TPPP: variants seen among roughly 807,000 people sequenced by gnomAD.
TPPP encodes tubulin polymerization-promoting protein.
A neutral mutation model predicts 15.5 loss-of-function variants in TPPP; 6 were observed. The ratio of observed to expected loss-of-function variants is 0.39; its 90% CI spans 0.21 to 0.77. The LOEUF is 0.77. Among genes scored for constraint, TPPP ranks in the 30% least tolerant of loss-of-function variants. The pLI is 0.42. For synonymous variants in TPPP, 146 were observed against 133.9 expected, an observed-to-expected ratio of 1.09 and a Z score of -0.63; for missense variants, 269 against 307.2, an observed-to-expected ratio of 0.88 and a Z score of 0.93.
At position 662,596 on chromosome 5, in the gene TPPP, G is replaced by T. The variant is rs1286497508; in HGVS notation, c.*2506C>A. 1 of 152,596 alleles carries T rather than the reference G, an allele frequency of 6.6e-6. No individual in the cohort carries two copies. Among genetic ancestry groups the T allele is most frequent in the Non-Finnish European group, 1.5e-5 (1 of 68,218 alleles). 9.5% of individuals were successfully genotyped at this position (152,596 alleles called of 1,614,324 possible). A position where few individuals can be genotyped will look rare whatever the true frequency, so the allele number is the denominator to read the frequency against. Reference sequence around the variant, plus strand: ...AGTCATGTTCGTTCTGCGTGGCTTGGCCGTGACTGTGGGGACTGGGCTGCC... The same window carrying T: ...AGTCATGTTCGTTCTGCGTGGCTTGTCCGTGACTGTGGGGACTGGGCTGCC... On this transcript the variant is annotated 3_prime_UTR_variant, in exon 4 of 4. Coordinates refer to ENST00000360578, the MANE Select transcript of TPPP (RefSeq NM_007030.3).
At chr5:665,508 G>T (rs376970018) in intron 3 of TPPP, among the ~76,000 whole-genome samples, 1 of 152,124 alleles carries the variant, frequency 6.6e-6, no homozygotes, top group South Asian at 2.1e-4. Context: ...CCTAACAATT[G>T]CCCAGGTCCA....
At chr5:699,707 C>G in the TPPP span, among the ~76,000 whole-genome samples, 1 of 151,502 alleles carries the variant, frequency 6.6e-6, no homozygotes, top group Non-Finnish European at 1.5e-5. Context: ...TATTTGCAAA[C>G]TATGCATCTG....
intron 1 of TPPP, among the ~76,000 whole-genome samples, chr5:691,569 CA>C (rs1740864330): frequency 1.6e-5 from 1 of 63,236 alleles, no homozygotes; most frequent in Admixed American, 1.2e-4. Flanking sequence ...AGCAGCCCCC[CA>C]ACCCCCATCA....
rs955429294 is a variant in TPPP at position 660,053 on chromosome 5, C to T, written c.*5049G>A. On this transcript the variant is annotated 3_prime_UTR_variant, in exon 4 of 4. Coordinates refer to ENST00000360578, the MANE Select transcript of TPPP (RefSeq NM_007030.3). The stretch of plus-strand genomic sequence containing the variant: ...GAGGAACAGCAGGGCCACCCCACCC[C>T]GCGGACGTCCGCGGTGAGTGCGGTT... The T allele has an allele frequency of 3.5e-4, 54 of 152,448 alleles. No individual in the cohort carries two copies. Among genetic ancestry groups the T allele is most frequent in the African/African-American group, 1.0e-3 (43 of 41,576 alleles). 9.4% of individuals were successfully genotyped at this position (152,448 alleles called of 1,614,324 possible). A position where few individuals can be genotyped will look rare whatever the true frequency, so the allele number is the denominator to read the frequency against.
Position 665,128 on chromosome 5 carries a change from C to T in TPPP, c.634G>A (p.Asp212Asn), listed in dbSNP as rs758956291. ...VSGYKHAGTY[D>N]QKVQGGK ...TACTTGCCCCCTTGCACCTTCTGGTCGTAGGTGCCTGCGTGCTTGTAGCCG... is the reference window on the plus strand; with the variant it reads ...TACTTGCCCCCTTGCACCTTCTGGTTGTAGGTGCCTGCGTGCTTGTAGCCG... The change falls in exon 4 of 4, where the codon GAC becomes AAC. Residue 212 changes from aspartate (D) to asparagine (N), a missense_variant. Transcript: ENST00000360578. 17 of 1,612,164 alleles carry T rather than the reference C, an allele frequency of 1.1e-5. No individual in the cohort carries two copies. Among genetic ancestry groups the T allele is most frequent in the Admixed American group, 3.3e-5 (2 of 60,004 alleles).
Position 663,071 on chromosome 5 carries a change from G to C in TPPP, c.*2031C>G, listed in dbSNP as rs1202962118. 2.0e-5 allele frequency: 3 copies of C among 150,710 alleles called. No individual in the cohort carries two copies. The highest frequency in any genetic ancestry group is 7.4e-5 in the African/African-American group (3 of 40,472). The allele number at this position is 150,710 out of a possible 1,614,324, so 9.3% of individuals were successfully genotyped here. Reference sequence around the variant, plus strand: ...TGCTCGTCTGTGATCGGGTGATTCCGATGACTGCTTGTCTGTGATTGGGCG... The same window carrying C: ...TGCTCGTCTGTGATCGGGTGATTCCCATGACTGCTTGTCTGTGATTGGGCG... On this transcript the variant is annotated 3_prime_UTR_variant, in exon 4 of 4. Transcript: ENST00000360578.
At chr5:668,671 A>C (rs980287228) in intron 2 of TPPP, among the ~76,000 whole-genome samples, 5 of 152,272 alleles carry the variant, frequency 3.3e-5, no homozygotes, top group Non-Finnish European at 7.3e-5. Flanking sequence ...GTGGCCCAGC[A>C]GTCCCGTTCC....
In TPPP at chr5:677,858, C is replaced by G; in HGVS notation, c.203G>C (p.Gly68Ala). 2 of 1,612,750 alleles carry G rather than the reference C, an allele frequency of 1.2e-6. No individual in the cohort carries two copies. The highest frequency in any genetic ancestry group is 2.2e-5 in the South Asian group (2 of 91,026). Residue 68 changes from glycine (G) to alanine (A), a missense_variant, in exon 2 of 4, where the codon GGG becomes GCG. Physicochemically the swap from Gly to Ala is moderately conservative, Grantham distance 60. Coordinates refer to ENST00000360578, the MANE Select transcript of TPPP (RefSeq NM_007030.3). ...CCAGTTCTTGCCGTGCATCTCCCTCCCGGTGGCCCTGGCGTCCCCGTGCAC... is the reference window on the plus strand; with the variant it reads ...CCAGTTCTTGCCGTGCATCTCCCTCGCGGTGGCCCTGGCGTCCCCGTGCAC... Reference protein sequence around the residue: ...FAVHGDARATGREMHGKNWSK... With the variant: ...FAVHGDARATAREMHGKNWSK...
At chr5:669,532 A>G (rs961131184) in intron 2 of TPPP, among the ~76,000 whole-genome samples, 1 of 152,044 alleles carries the variant, frequency 6.6e-6, no homozygotes, top group African/African-American at 2.4e-5. Context: ...CCTGTCTTCT[A>G]TTCCCACCCT....
At chr5:687,173 A>C (rs1392157345) in intron 1 of TPPP, among the ~76,000 whole-genome samples, 2 of 140,474 alleles carry the variant, frequency 1.4e-5, no homozygotes, top group Non-Finnish European at 3.2e-5. Context: ...AAGCCTCCAG[A>C]GGAAGCTGAC....
chr5:672,259 G>A (rs1027582685), intron 2 of TPPP, among the ~76,000 whole-genome samples: 3 of 152,176 alleles, frequency 2.0e-5, no homozygotes, highest in Non-Finnish European at 4.4e-5. Context: ...GGCAACCGCA[G>A]ACCCCAGGGA....
intron 1 of TPPP, among the ~76,000 whole-genome samples, chr5:682,332 G>A (rs558035140): frequency 4.8e-4 from 70 of 146,552 alleles, no homozygotes; most frequent in African/African-American, 7.5e-4. Context: ...TAGGGCCGGG[G>A]CCTGTCCCTT....
upstream of TPPP, among the ~76,000 whole-genome samples, chr5:698,260 TG>T (rs1741048387): frequency 6.6e-6 from 1 of 152,028 alleles, no homozygotes; most frequent in Non-Finnish European, 1.5e-5. Flanking sequence ...GTATAAGACA[TG>T]GATGCCCACT....
At chr5:700,655 G>C in the TPPP span, among the ~76,000 whole-genome samples, 1 of 151,348 alleles carries the variant, frequency 6.6e-6, no homozygotes, top group African/African-American at 2.4e-5. Context: ...CTGCATCCCT[G>C]AATAAGGTTT....
At chr5:675,336 T>C in intron 2 of TPPP, among the ~76,000 whole-genome samples, 1 of 19,914 alleles carries the variant, frequency 5.0e-5, no homozygotes, top group African/African-American at 2.1e-4. Flanking sequence ...GGGTGCAGTG[T>C]GGCTGGGGGT....
intron 1 of TPPP, among the ~76,000 whole-genome samples, chr5:683,133 A>AC (rs1348532842): frequency 1.3e-5 from 2 of 151,740 alleles, no homozygotes; most frequent in African/African-American, 4.9e-5. Flanking sequence ...GCACCCGCTG[A>AC]CCCCCAGAGC....
At position 692,754 on chromosome 5, in the gene TPPP, G is replaced by A. The variant is rs1372716257; in HGVS notation, c.-5+524C>T. The stretch of plus-strand genomic sequence containing the variant: ...GTCTGACAGCCCCACCTGCCAGGAC[G>A]CGGTGGTGTCAGGACCCTGAGATGG... On this transcript the variant is annotated intron_variant, in intron 1 of 3. Transcript: ENST00000360578. The A allele has an allele frequency of 3.1e-6, 3 of 963,660 alleles. No homozygotes were observed. The East Asian group carries it at 3.4e-4, about 110-fold the overall frequency. 59.7% of individuals were successfully genotyped at this position (963,660 alleles called of 1,614,324 possible).
At chr5:685,640 C>T (rs568234104) in intron 1 of TPPP, among the ~76,000 whole-genome samples, 7 of 152,340 alleles carry the variant, frequency 4.6e-5, no homozygotes, top group African/African-American at 1.4e-4. Context: ...TGCGGAGGAG[C>T]TTCTCGGGTC....
Position 660,006 on chromosome 5 carries a change from A to G in TPPP, c.*5096T>C, listed in dbSNP as rs1387495178. 6.6e-6 allele frequency: 1 copy of G among 152,366 alleles called. No individual in the cohort carries two copies. The highest frequency in any genetic ancestry group is 1.5e-5 in the Non-Finnish European group (1 of 68,056). The allele number at this position is 152,366 out of a possible 1,614,324, so 9.4% of individuals were successfully genotyped here. A position where few individuals can be genotyped will look rare whatever the true frequency, so the allele number is the denominator to read the frequency against. On this transcript the variant is annotated 3_prime_UTR_variant, in exon 4 of 4. Coordinates refer to ENST00000360578, the MANE Select transcript of TPPP (RefSeq NM_007030.3). ...GGCTCAACAGCAAGTCCAACAGGCA[A>G]CACCACACCTCTCACCTGCAGGAGG... is the stretch of plus-strand genomic sequence containing the variant.
Sources: gnomAD v4.1 joint callset for allele counts (sites outside exome capture counted in the v4.1 genomes callset) on GRCh38, gnomAD v4.1.1 for gene constraint, MANE v1.5 for transcripts, NCBI Gene and HGNC (gene_info 2026-07-23, HGNC 2026-07-21) for gene names.